CACNA2D3: variants seen among roughly 807,000 people sequenced by gnomAD.
CACNA2D3 encodes the protein calcium voltage-gated channel auxiliary subunit alpha2delta 3.
Under a neutral mutation model 160.6 loss-of-function variants are expected in CACNA2D3, and 60 were observed. The ratio of observed to expected loss-of-function variants is 0.37; its 90% CI spans 0.30 to 0.46. The LOEUF (loss-of-function observed/expected upper bound fraction) is 0.46. Among genes scored for constraint, CACNA2D3 ranks in the 20% least tolerant of loss-of-function variants. The pLI, the probability that CACNA2D3 is intolerant of heterozygous loss-of-function variation, is 1.00. For missense variants in CACNA2D3, 1,205 were observed against 1,365.0 expected, an observed-to-expected ratio of 0.88 and a Z score of 1.85; for synonymous variants, 558 against 492.9, an observed-to-expected ratio of 1.13 and a Z score of -1.75.
intron 3 of CACNA2D3, among the ~76,000 whole-genome samples, chr3:54,323,615 C>T (rs565252810): frequency 1.2e-4 from 18 of 152,112 alleles, no homozygotes; most frequent in Admixed American, 1.0e-3. Flanking sequence ...TACAGGCACC[C>T]GCCACCATGC....
chr3:54,996,674 C>T (rs1363097886), intron 31 of CACNA2D3, among the ~76,000 whole-genome samples: 3 of 152,172 alleles, frequency 2.0e-5, no homozygotes, highest in Non-Finnish European at 2.9e-5. Context: ...TTGCAGGTGG[C>T]ACCTCCTATT....
chr3:54,951,303 C>T (rs901564910), intron 27 of CACNA2D3, among the ~76,000 whole-genome samples: 3 of 152,130 alleles, frequency 2.0e-5, no homozygotes, highest in Non-Finnish European at 2.9e-5. Context: ...ATAGCCAAGC[C>T]GCAGACAAGA....
chr3:54,962,363 G>C (rs1301205659), intron 27 of CACNA2D3, among the ~76,000 whole-genome samples: 1 of 152,194 alleles, frequency 6.6e-6, no homozygotes, highest in East Asian at 1.9e-4. Flanking sequence ...GGAGTGGACA[G>C]TTTGCATTGG....
intron 2 of CACNA2D3, among the ~76,000 whole-genome samples, chr3:54,265,530 A>ATGTGTGTGTG (rs59375998): frequency 8.9e-5 from 12 of 134,854 alleles, no homozygotes; most frequent in South Asian, 4.9e-4. Flanking sequence ...AACTTAAAGT[A>ATGTGTGTGTG]TGTGTGTGTG....
rs765726925 is a variant in CACNA2D3 at position 55,073,429 on chromosome 3, C to T, written c.2988-16C>T. On this transcript the variant is annotated splice_polypyrimidine_tract_variant and intron_variant, in intron 35 of 37. Coordinates refer to ENST00000474759, the MANE Select transcript of CACNA2D3 (RefSeq NM_018398.3). ...CGGATGGTAAATGACTGCCTCGCTACCTCTTGTTCCAACAGGTCCTTTGTC... is the reference window on the plus strand; with the variant it reads ...CGGATGGTAAATGACTGCCTCGCTATCTCTTGTTCCAACAGGTCCTTTGTC... 8.8e-6 allele frequency: 14 copies of T among 1,597,106 alleles called. No homozygotes were observed. The highest frequency in any genetic ancestry group is 1.7e-5 in the Admixed American group (1 of 59,998).
At chr3:54,323,627 C>T (rs566151844) in intron 3 of CACNA2D3, among the ~76,000 whole-genome samples, 15 of 152,014 alleles carry the variant, frequency 9.9e-5, no homozygotes, top group East Asian at 1.9e-4. Context: ...CCACCATGCC[C>T]GGCTAATTTT....
intron 30 of CACNA2D3, among the ~76,000 whole-genome samples, chr3:54,986,301 G>C (rs1404659956): frequency 6.6e-6 from 1 of 152,128 alleles, no homozygotes; most frequent in Non-Finnish European, 1.5e-5. Context: ...ATAAGCCTGC[G>C]ATAGACCCAG....
At chr3:54,282,752 A>G (rs1490443399) in intron 2 of CACNA2D3, among the ~76,000 whole-genome samples, 1 of 152,224 alleles carries the variant, frequency 6.6e-6, no homozygotes, top group Non-Finnish European at 1.5e-5. Flanking sequence ...GATAAGTATT[A>G]TGAGAAAGAG....
intron 2 of CACNA2D3, among the ~76,000 whole-genome samples, chr3:54,308,394 G>T (rs965255900): frequency 2.6e-5 from 4 of 152,122 alleles, no homozygotes; most frequent in African/African-American, 9.7e-5. Flanking sequence ...CCAGGCTAAG[G>T]AGTTCAAGAA....
At chr3:55,066,142 G>C (rs1365394818) in intron 35 of CACNA2D3, among the ~76,000 whole-genome samples, 2 of 152,170 alleles carry the variant, frequency 1.3e-5, no homozygotes, top group Non-Finnish European at 2.9e-5. Flanking sequence ...GTGGGGGATA[G>C]GGCCACTTTC....
chr3:54,902,844 A>G (rs950384812), intron 27 of CACNA2D3, among the ~76,000 whole-genome samples: 1 of 152,194 alleles, frequency 6.6e-6, no homozygotes, highest in Non-Finnish European at 1.5e-5. Context: ...CAAACAAGAA[A>G]ATTCTTGGAT....
intron 9 of CACNA2D3, among the ~76,000 whole-genome samples, chr3:54,625,719 T>A (rs1375671959): frequency 6.6e-6 from 1 of 152,172 alleles, no homozygotes; most frequent in Non-Finnish European, 1.5e-5. Flanking sequence ...AACTTTGGCG[T>A]TCACACTGGC....
chr3:54,349,590 C>T (rs2107531658), intron 3 of CACNA2D3, among the ~76,000 whole-genome samples: 1 of 152,224 alleles, frequency 6.6e-6, no homozygotes, highest in African/African-American at 2.4e-5. Flanking sequence ...TCTAACTTTT[C>T]ATTATTTGCT....
chr3:55,032,427 C>T (rs1575444049), intron 35 of CACNA2D3, among the ~76,000 whole-genome samples: 1 of 152,202 alleles, frequency 6.6e-6, no homozygotes, highest in South Asian at 2.1e-4. Flanking sequence ...TTCTCAATGC[C>T]AGTTTCATGC....
intron 2 of CACNA2D3, among the ~76,000 whole-genome samples, chr3:54,201,444 T>C (rs1222975882): frequency 6.6e-6 from 1 of 152,216 alleles, no homozygotes; most frequent in African/African-American, 2.4e-5. Flanking sequence ...TCAAGAATTA[T>C]TGATTGATGG....
intron 9 of CACNA2D3, among the ~76,000 whole-genome samples, chr3:54,621,868 C>G (rs897707030): frequency 6.6e-6 from 1 of 152,206 alleles, no homozygotes; most frequent in Non-Finnish European, 1.5e-5. Flanking sequence ...TTTTAATTTT[C>G]ACATGTTGAA....
At chr3:54,431,505 G>A (rs1184863029) in intron 4 of CACNA2D3, among the ~76,000 whole-genome samples, 1 of 152,090 alleles carries the variant, frequency 6.6e-6, no homozygotes, top group Non-Finnish European at 1.5e-5. Context: ...GTGTGGCAGA[G>A]GTGGAAGAAA....
chr3:54,719,318 T>A (rs1056642212), intron 11 of CACNA2D3, among the ~76,000 whole-genome samples: 3 of 151,976 alleles, frequency 2.0e-5, no homozygotes, highest in Non-Finnish European at 4.4e-5. Context: ...ATACATATTC[T>A]TTTTAAGGTT....
Position 54,134,888 on chromosome 3 carries a change from T to A in CACNA2D3, c.204+11294T>A, listed in dbSNP as rs1424828136. Among the ~76,000 whole-genome samples, 4 of 152,232 alleles carry A rather than the reference T, an allele frequency of 2.6e-5. No individual in the cohort carries two copies. The East Asian group carries it at 7.7e-4, about 29-fold the overall frequency. Reference sequence around the variant, plus strand: ...CCTCTGCAGTACCAAGCTGAGCAGCTGCTGCGGGAGCACCGCAGTGCAGGG... The same window carrying A: ...CCTCTGCAGTACCAAGCTGAGCAGCAGCTGCGGGAGCACCGCAGTGCAGGG... On this transcript the variant is annotated intron_variant, in intron 2 of 37. Coordinates refer to ENST00000474759, the MANE Select transcript of CACNA2D3 (RefSeq NM_018398.3).
Sources: allele counts gnomAD v4.1 joint callset (sites outside exome capture counted in the v4.1 genomes callset), GRCh38; gene constraint gnomAD v4.1.1; transcripts MANE v1.5; gene names NCBI Gene and HGNC (gene_info 2026-07-23, HGNC 2026-07-21).